Variants in IL22RA1 observed in about 807,000 individuals in gnomAD.
IL22RA1 encodes the protein interleukin 22 receptor subunit alpha 1.
Under a neutral mutation model 32.8 loss-of-function variants are expected in IL22RA1, and 25 were observed. The observed-to-expected ratio is 0.76, with a 90% confidence interval of 0.55 to 1.06. IL22RA1 has a LOEUF of 1.06. Among genes scored for constraint, IL22RA1 ranks in the 50% least tolerant of loss-of-function variants. The pLI is 0.00. For missense variants in IL22RA1, 709 were observed against 727.4 expected, an observed-to-expected ratio of 0.97 and a Z score of 0.29; for synonymous variants, 305 against 305.0, an observed-to-expected ratio of 1.00 and a Z score of 0.00.
chr1:24,140,499 G>A (rs2148576610), intron 1 of IL22RA1, among the ~76,000 whole-genome samples: 1 of 152,290 alleles, frequency 6.6e-6, no homozygotes, highest in East Asian at 1.9e-4. Context: ...AGAAGAGAGA[G>A]GAGAAGAGAA....
At chr1:24,126,141 C>T (rs1188301809) in intron 5 of IL22RA1, among the ~76,000 whole-genome samples, 1 of 152,234 alleles carries the variant, frequency 6.6e-6, no homozygotes, top group Non-Finnish European at 1.5e-5. Flanking sequence ...CATACAAACA[C>T]TCCCAGCTTA....
chr1:24,123,745 G>C (rs1644142896), intron 5 of IL22RA1, among the ~76,000 whole-genome samples: 1 of 152,176 alleles, frequency 6.6e-6, no homozygotes, highest in African/African-American at 2.4e-5. Context: ...GTGCTGAAGT[G>C]GGGAGGTACA....
Position 24,143,053 on chromosome 1 carries a change from C to T in IL22RA1, c.30G>A (p.Val10=). The T allele has an allele frequency of 6.2e-7, 1 of 1,613,434 alleles. No homozygotes were observed. The highest frequency in any genetic ancestry group is 8.5e-7 in the Non-Finnish European group (1 of 1,179,780). The change falls in exon 1 of 7, where the codon GTG becomes GTA. Residue 10 remains valine (V), a synonymous_variant. Transcript: ENST00000270800. ...ATGGGCACTCACCAGCCAGGGATCC[C>T]ACAGTCAAGATGGTCAGCAGCGTCC... MRTLLTILT[V]GSLAAHAPED... is the part of the protein sequence containing the mutation.
chr1:24,137,370 G>A (rs2148575239), intron 2 of IL22RA1, 61 bp from the exon 3 acceptor site: 1 of 1,491,468 alleles, frequency 6.7e-7, no homozygotes, highest in South Asian at 1.2e-5. Flanking sequence ...TAGGCCTGTG[G>A]CTTATTAATA....
Position 24,120,603 on chromosome 1 carries a change from G to T in IL22RA1, c.*202C>A, listed in dbSNP as rs1351799575. 1 of 560,210 alleles carries T rather than the reference G, an allele frequency of 1.8e-6. No homozygotes were observed. Among genetic ancestry groups the T allele is most frequent in the Non-Finnish European group, 3.1e-6 (1 of 317,798 alleles). 34.7% of individuals were successfully genotyped at this position (560,210 alleles called of 1,614,324 possible). A position where few individuals can be genotyped will look rare whatever the true frequency, so the allele number is the denominator to read the frequency against. ...AGCTGCTCCCCAGAGCTCCCCCGCTGCAGTCCTTATCATGCTGCTTTGCTC... is the reference window on the plus strand; with the variant it reads ...AGCTGCTCCCCAGAGCTCCCCCGCTTCAGTCCTTATCATGCTGCTTTGCTC... On this transcript the variant is annotated 3_prime_UTR_variant, in exon 7 of 7. Coordinates refer to ENST00000270800, the MANE Select transcript of IL22RA1 (RefSeq NM_021258.4).
chr1:24,139,692 T>A (rs1644267493), intron 1 of IL22RA1, among the ~76,000 whole-genome samples: 1 of 152,140 alleles, frequency 6.6e-6, no homozygotes, highest in Non-Finnish European at 1.5e-5. Flanking sequence ...CACCACCACA[T>A]CCGTCTAATT....
At position 24,121,300 on chromosome 1, in the gene IL22RA1, A is replaced by G. The variant is rs1000641306; in HGVS notation, c.1230T>C (p.Ser410=). The G allele has an allele frequency of 1.2e-6, 2 of 1,613,704 alleles. No homozygotes were observed. Among genetic ancestry groups the G allele is most frequent in the Admixed American group, 1.7e-5 (1 of 60,000 alleles). ...PPSYGVCMEG[S]GKDSPTGTLS... The stretch of plus-strand genomic sequence containing the variant: ...GTGTCCCAGTGGGGGAGTCTTTGCC[A>G]GAACCTTCCATGCATACCCCATAGG... The change falls in exon 7 of 7, where the codon TCT becomes TCC. Residue 410 remains serine (S), a synonymous_variant. Coordinates refer to ENST00000270800, the MANE Select transcript of IL22RA1 (RefSeq NM_021258.4).
At chr1:24,133,810 C>T (rs902794086) in intron 4 of IL22RA1, among the ~76,000 whole-genome samples, 2 of 152,052 alleles carry the variant, frequency 1.3e-5, no homozygotes, top group Non-Finnish European at 2.9e-5. Context: ...GATAATATAC[C>T]TAATGCTAAA....
In IL22RA1 at chr1:24,121,298, C is replaced by A; in HGVS notation, c.1232G>T (p.Gly411Val). Residue 411 changes from glycine (G) to valine (V), a missense_variant, in exon 7 of 7, where the codon GGC becomes GTC. Gly to Val is a moderately radical substitution (Grantham distance 109, BLOSUM62 -3). Coordinates refer to ENST00000270800, the MANE Select transcript of IL22RA1 (RefSeq NM_021258.4). The stretch of plus-strand genomic sequence containing the variant: ...AAGTGTCCCAGTGGGGGAGTCTTTG[C>A]CAGAACCTTCCATGCATACCCCATA... ...PSYGVCMEGS[G>V]KDSPTGTLSS... 1.9e-6 allele frequency: 3 copies of A among 1,613,552 alleles called. No homozygotes were observed. Among genetic ancestry groups the A allele is most frequent in the Non-Finnish European group, 2.5e-6 (3 of 1,179,704 alleles).
intron 2 of IL22RA1, 141 bp from the exon 3 acceptor site, chr1:24,137,450 T>G: frequency 1.5e-6 from 1 of 662,964 alleles, no homozygotes; most frequent in Non-Finnish European, 2.5e-6. Context: ...TGATCTCATT[T>G]TGTTCTCACA....
chr1:24,138,640 TC>T lies in IL22RA1; in HGVS notation c.117del (p.Thr40ArgfsTer42). On this transcript the variant is annotated frameshift_variant, in exon 2 of 7. Transcript: ENST00000270800. LOFTEE classifies it high-confidence loss of function. ...GTGCCCTCCGGCCCGCTGTCCCACG[TC>T]AGGATGTTTTCAAAGTTGCTGGACT... ...KFQSSNFENI[L>X]TWDSGPEGTP... is the part of the protein sequence containing the mutation. 6.2e-7 allele frequency: 1 copy of T among 1,614,140 alleles called. No homozygotes were observed. Among genetic ancestry groups the T allele is most frequent in the Non-Finnish European group, 8.5e-7 (1 of 1,180,022 alleles).
chr1:24,121,270 A>G lies in IL22RA1; in HGVS notation c.1260T>C (p.Ser420=), dbSNP rs144029695. The G allele has an allele frequency of 5.3e-4, 854 of 1,614,142 alleles. 1 individual carries two copies. Among genetic ancestry groups the G allele is most frequent in the Non-Finnish European group, 6.9e-4 (810 of 1,179,998 alleles). Residue 420 remains serine (S), a synonymous_variant, in exon 7 of 7, where the codon TCT becomes TCC. Coordinates refer to ENST00000270800, the MANE Select transcript of IL22RA1 (RefSeq NM_021258.4). ...CTTTAGGCCTAAGGTGTTTAGGACT[A>G]GAAAGTGTCCCAGTGGGGGAGTCTT... ...SGKDSPTGTL[S]SPKHLRPKGQ...
chr1:24,138,857 G>T, intron 1 of IL22RA1, 143 bp from the exon 2 acceptor site: 1 of 968,640 alleles, frequency 1.0e-6, no homozygotes, highest in Non-Finnish European at 1.5e-6. Flanking sequence ...GGTGGGCAGG[G>T]AGACCCTGGC....
chr1:24,121,623 G>T lies in IL22RA1; in HGVS notation c.907C>A (p.Gln303Lys). 6.2e-7 allele frequency: 1 copy of T among 1,613,006 alleles called. No individual in the cohort carries two copies. The highest frequency in any genetic ancestry group is 1.1e-5 in the South Asian group (1 of 90,982). The change falls in exon 7 of 7, where the codon CAG becomes AAG. Residue 303 changes from glutamine (Q) to lysine (K), a missense_variant. By Grantham distance (53) the Gln-to-Lys change is moderately conservative. Coordinates refer to ENST00000270800, the MANE Select transcript of IL22RA1 (RefSeq NM_021258.4). ...SSLAQPVQYS[Q>K]IRVSGPREPA... ...TCCCTGGGTCCAGACACCCTGATCTGGGAGTACTGGACAGGCTGGGCCAGA... is the reference window on the plus strand; with the variant it reads ...TCCCTGGGTCCAGACACCCTGATCTTGGAGTACTGGACAGGCTGGGCCAGA...
intron 6 of IL22RA1, among the ~76,000 whole-genome samples, 170 bp from the exon 7 acceptor site, chr1:24,121,907 G>C (rs953333673): frequency 6.6e-6 from 1 of 152,286 alleles, no homozygotes; most frequent in African/African-American, 2.4e-5. Flanking sequence ...AGGTGCAAGT[G>C]CCTCTCTGAA....
rs940470678 is a variant in IL22RA1 at position 24,134,879 on chromosome 1, T to G, written c.356-493A>C. The G allele has an allele frequency of 1.8e-5, 18 of 979,010 alleles. No homozygotes were observed. In the African/African-American group the frequency reaches 3.2e-4, roughly 17 times the overall value. 60.6% of individuals were successfully genotyped at this position (979,010 alleles called of 1,614,324 possible). The stretch of plus-strand genomic sequence containing the variant: ...GATGGAATTTTCCAAATAACCAAAT[T>G]ACCTTTGCTGGTTTACAGACTCCTT... On this transcript the variant is annotated intron_variant, in intron 3 of 6. Transcript: ENST00000270800.
Position 24,121,858 on chromosome 1 carries a change from T to A in IL22RA1, c.793-121A>T, listed in dbSNP as rs746919745. ...CATCTGGGGGCTTTTTCAAGATGCG[T>A]CTGTCCCATATCCCCATCTGCTTCC... On this transcript the variant is annotated intron_variant, in intron 6 of 6. Coordinates refer to ENST00000270800, the MANE Select transcript of IL22RA1 (RefSeq NM_021258.4). The A allele has an allele frequency of 3.4e-5, 23 of 672,660 alleles. No individual in the cohort carries two copies. The Admixed American group carries it at 3.9e-4, about 11-fold the overall frequency. 41.7% of individuals were successfully genotyped at this position (672,660 alleles called of 1,614,324 possible).
chr1:24,126,864 A>C (rs1233384585), intron 5 of IL22RA1, among the ~76,000 whole-genome samples: 1 of 152,100 alleles, frequency 6.6e-6, no homozygotes, highest in East Asian at 1.9e-4. Flanking sequence ...CATCTCACTG[A>C]GCAGATGATT....
intron 2 of IL22RA1, among the ~76,000 whole-genome samples, chr1:24,138,307 G>A (rs1644256950): frequency 6.6e-6 from 1 of 152,246 alleles, no homozygotes; most frequent in Admixed American, 6.5e-5. Context: ...CTTTGTGGGT[G>A]GAGAAACTGA....
Sources: allele counts gnomAD v4.1 joint callset (sites outside exome capture counted in the v4.1 genomes callset), GRCh38; gene constraint gnomAD v4.1.1; transcripts MANE v1.5; gene names NCBI Gene and HGNC (gene_info 2026-07-23, HGNC 2026-07-21).